Variants in METTL8 observed in about 807,000 individuals in gnomAD.
The protein encoded by METTL8 is methyltransferase 8, tRNA N3-cytidine, also known as tRNA N(3)-cytidine methyltransferase METTL8, mitochondrial.
In METTL8, 32 loss-of-function variants were observed where a neutral mutation model predicts 48.7. The ratio of observed to expected loss-of-function variants is 0.66; its 90% CI spans 0.50 to 0.88. The LOEUF is 0.88. METTL8 is among the 40% of genes least tolerant of loss of function. METTL8 has a pLI of 0.00. For missense variants in METTL8, 464 were observed against 474.4 expected (o/e 0.98, Z 0.20); for synonymous variants, 136 against 157.1 (o/e 0.87, Z 1.01).
chr2:171,391,934 T>G (rs1688614979), intron 2 of METTL8, 109 bp downstream of exon 2: 2 of 1,113,014 alleles, frequency 1.8e-6, no homozygotes, highest in Non-Finnish European at 2.5e-6. Context: ...CTCTACAACA[T>G]GAGTTAGGTC....
intron 1 of METTL8, among the ~76,000 whole-genome samples, chr2:171,422,053 A>G (rs904644767): frequency 7.2e-5 from 11 of 152,230 alleles, no homozygotes; most frequent in Non-Finnish European, 1.3e-4. Flanking sequence ...AAGAGGAGTA[A>G]GATGGAACAG....
At chr2:171,394,210 T>C (rs2105570593) in intron 1 of METTL8, among the ~76,000 whole-genome samples, 1 of 152,326 alleles carries the variant, frequency 6.6e-6, no homozygotes, top group East Asian at 1.9e-4. Context: ...GTGAATAGTA[T>C]TCATAAAATC....
chr2:171,417,059 A>T (rs1041244449), intron 1 of METTL8, among the ~76,000 whole-genome samples: 1 of 152,250 alleles, frequency 6.6e-6, no homozygotes, highest in Non-Finnish European at 1.5e-5. Flanking sequence ...TCAGCTTAAC[A>T]AGGGAAGTGG....
chr2:171,385,237 A>AC lies in METTL8; in HGVS notation c.143+6805dup, dbSNP rs201562831. Among the ~76,000 whole-genome samples, 102 of 150,948 alleles carry AC rather than the reference A, an allele frequency of 6.8e-4. 1 individual carries two copies. Among genetic ancestry groups the AC allele is most frequent in the East Asian group, 2.3e-3 (12 of 5,116 alleles). ...AGACCAGCCTGGGCAACATGGCAAG[A>AC]CCCCCCCTCTCTAAAAAAAATAAAA... On this transcript the variant is annotated intron_variant, in intron 2 of 9. Coordinates refer to ENST00000375258, the MANE Select transcript of METTL8 (RefSeq NM_001321154.2).
Position 171,336,441 on chromosome 2 carries a change from G to A in METTL8, c.656+1012C>T, listed in dbSNP as rs201364629. 4.6e-3 allele frequency among the ~76,000 whole-genome samples: 521 copies of A among 112,854 alleles called. 3 individuals carry two copies. The highest frequency in any genetic ancestry group is 0.027 in the East Asian group (96 of 3,528). The allele number at this position is 112,854 out of a possible 152,430, so 74.0% of individuals were successfully genotyped here. Reference sequence around the variant, plus strand: ...TTTTTAGACGGAGTCTCACTCTGTCGCCCAGGCTGGAATGCAGTAGCGAGA... The same window carrying A: ...TTTTTAGACGGAGTCTCACTCTGTCACCCAGGCTGGAATGCAGTAGCGAGA... On this transcript the variant is annotated intron_variant, in intron 5 of 9. Coordinates refer to ENST00000375258, the MANE Select transcript of METTL8 (RefSeq NM_001321154.2).
intron 3 of METTL8, among the ~76,000 whole-genome samples, chr2:171,344,778 T>C (rs1314123184): frequency 6.6e-6 from 1 of 152,180 alleles, no homozygotes; most frequent in African/African-American, 2.4e-5. Flanking sequence ...TTCCCAGTAA[T>C]GTGTGAGAGC....
chr2:171,431,976 C>G (rs769642163), intron 1 of METTL8, among the ~76,000 whole-genome samples: 1 of 152,198 alleles, frequency 6.6e-6, no homozygotes, highest in Non-Finnish European at 1.5e-5. Flanking sequence ...AAGCGGTGCA[C>G]GGAGCCAGCT....
intron 1 of METTL8, among the ~76,000 whole-genome samples, chr2:171,418,324 G>A (rs1691525340): frequency 6.6e-6 from 1 of 152,076 alleles, no homozygotes; most frequent in African/African-American, 2.4e-5. Flanking sequence ...TGACAGTTTT[G>A]AGGTATACTA....
intron 2 of METTL8, among the ~76,000 whole-genome samples, chr2:171,363,817 T>TATATATATATATATATATATATATATATC (rs1228494441): frequency 7.7e-6 from 1 of 129,058 alleles, no homozygotes; most frequent in African/African-American, 2.9e-5. Flanking sequence ...TATATATATC[T>TATATATATATATATATATATATATATATC]TTTTTTTTTT....
chr2:171,361,122 G>A (rs1685118247), intron 2 of METTL8, among the ~76,000 whole-genome samples: 1 of 151,902 alleles, frequency 6.6e-6, no homozygotes, highest in Non-Finnish European at 1.5e-5. Flanking sequence ...AGTATTTTTA[G>A]TTTCAGAATC....
intron 3 of METTL8, among the ~76,000 whole-genome samples, chr2:171,346,939 G>A (rs1687327039): frequency 6.6e-6 from 1 of 152,192 alleles, no homozygotes; most frequent in Non-Finnish European, 1.5e-5. Context: ...CACTCAACAT[G>A]GTTCCTCAGA....
intron 2 of METTL8, among the ~76,000 whole-genome samples, chr2:171,366,888 CA>C (rs35179830): frequency 3.1e-3 from 187 of 61,014 alleles, no homozygotes; most frequent in East Asian, 0.01. Context: ...GACCCTGTCT[CA>C]AAAAAAAAAA....
intron 1 of METTL8, among the ~76,000 whole-genome samples, chr2:171,394,511 G>A (rs931332631): frequency 2.0e-5 from 3 of 152,168 alleles, no homozygotes; most frequent in African/African-American, 7.2e-5. Flanking sequence ...TCAGAGAAAT[G>A]TGAATCTTGC....
chr2:171,408,167 C>A (rs1690380209), intron 1 of METTL8, among the ~76,000 whole-genome samples: 1 of 152,078 alleles, frequency 6.6e-6, no homozygotes, highest in African/African-American at 2.4e-5. Context: ...TGTTCATAAA[C>A]AACATAGTAA....
At chr2:171,425,836 G>C in intron 1 of METTL8, among the ~76,000 whole-genome samples, 1 of 152,178 alleles carries the variant, frequency 6.6e-6, no homozygotes, top group African/African-American at 2.4e-5. Flanking sequence ...GGATAAGAAT[G>C]TCTATAACAG....
In METTL8 at chr2:171,316,111, A is replaced by G. The variant is rs1684252644; in HGVS notation, c.*8061T>C. Among the ~76,000 whole-genome samples the G allele has an allele frequency of 3.3e-5, 5 of 152,384 alleles. No individual in the cohort carries two copies. In the South Asian group the frequency reaches 1.0e-3, roughly 32 times the overall value. ...TGCTTGGAGGAAAAACAACACTATT[A>G]AAATGTCTTTTTAAAAGTCAAAGCT... On this transcript the variant is annotated 3_prime_UTR_variant, in exon 10 of 10. Coordinates refer to ENST00000375258, the MANE Select transcript of METTL8 (RefSeq NM_001321154.2).
At chr2:171,416,159 T>C (rs1691296403) in intron 1 of METTL8, among the ~76,000 whole-genome samples, 1 of 152,216 alleles carries the variant, frequency 6.6e-6, no homozygotes, top group Non-Finnish European at 1.5e-5. Context: ...TCATTTATAG[T>C]ACTTGTTAAT....
chr2:171,371,830 T>TTATTAC lies in METTL8; in HGVS notation c.144-11323_144-11318dup, dbSNP rs1386747753. Among the ~76,000 whole-genome samples the TTATTAC allele has an allele frequency of 9.2e-3, 903 of 98,308 alleles. 8 individuals are homozygous for TTATTAC. The highest frequency in any genetic ancestry group is 0.037 in the African/African-American group (856 of 23,176). The allele number at this position is 98,308 out of a possible 152,430, so 64.5% of individuals were successfully genotyped here. ...AAATTTTTAAATTACATTATTGTTA[T>TTATTAC]TATTACTATTATTATTATTATTATT... On this transcript the variant is annotated intron_variant, in intron 2 of 9. Transcript: ENST00000375258.
intron 5 of METTL8, among the ~76,000 whole-genome samples, chr2:171,334,574 A>T (rs1397659702): frequency 1.3e-5 from 2 of 152,352 alleles, no homozygotes; most frequent in African/African-American, 4.8e-5. Flanking sequence ...CACTCTCTAA[A>T]AGTAGTAAAA....
Sources: allele counts gnomAD v4.1 joint callset (sites outside exome capture counted in the v4.1 genomes callset), GRCh38; gene constraint gnomAD v4.1.1; transcripts MANE v1.5; gene names NCBI Gene and HGNC (gene_info 2026-07-23, HGNC 2026-07-21).